Variants in ZNF438 observed in about 807,000 individuals in gnomAD.
The protein encoded by ZNF438 is zinc finger protein 438.
In ZNF438, 25 loss-of-function variants were observed where a neutral mutation model predicts 38.0. That is an observed-to-expected ratio of 0.66 (90% CI 0.48 to 0.92). The LOEUF (loss-of-function observed/expected upper bound fraction) is 0.92. Among genes scored for constraint, ZNF438 ranks in the 40% least tolerant of loss-of-function variants. The pLI, the probability that ZNF438 is intolerant of heterozygous loss-of-function variation, is 0.00. For missense variants in ZNF438, 1,007 were observed against 999.6 expected, an observed-to-expected ratio of 1.01 and a Z score of -0.10; for synonymous variants, 372 against 364.1, an observed-to-expected ratio of 1.02 and a Z score of -0.25.
At position 30,993,571 on chromosome 10, in the gene ZNF438, A is replaced by C. The variant is rs562521253; in HGVS notation, c.-192+38262T>G. On this transcript the variant is annotated intron_variant, in intron 1 of 5. Transcript: ENST00000413025. Reference sequence around the variant, plus strand: ...AGATTTCAAAGGATATACCAAAAAGACTGGTGCCCTGGCAGAGACTTGTCA... The same window carrying C: ...AGATTTCAAAGGATATACCAAAAAGCCTGGTGCCCTGGCAGAGACTTGTCA... 1.6e-3 allele frequency among the ~76,000 whole-genome samples: 237 copies of C among 152,368 alleles called. 1 individual carries two copies. Among genetic ancestry groups the C allele is most frequent in the African/African-American group, 5.5e-3 (230 of 41,596 alleles).
chr10:30,864,229 C>G (rs981852520), intron 4 of ZNF438, among the ~76,000 whole-genome samples: 15 of 152,166 alleles, frequency 9.9e-5, no homozygotes, highest in Non-Finnish European at 2.2e-4. Flanking sequence ...TACTATAACT[C>G]TAAATATACA....
At chr10:31,000,554 C>T (rs538120231) in intron 1 of ZNF438, among the ~76,000 whole-genome samples, 3 of 152,304 alleles carry the variant, frequency 2.0e-5, no homozygotes, top group African/African-American at 7.2e-5. Flanking sequence ...ATTAAGCCAT[C>T]ACTTCCTGTG....
At chr10:31,016,227 C>A (rs2056184780) in intron 1 of ZNF438, among the ~76,000 whole-genome samples, 2 of 151,150 alleles carry the variant, frequency 1.3e-5, no homozygotes, top group South Asian at 4.2e-4. Context: ...TAAAAAGAAA[C>A]ATAGCATAAT....
At chr10:30,902,143 T>C (rs2994618) in intron 3 of ZNF438, among the ~76,000 whole-genome samples, 118,715 of 152,068 alleles carry the variant, frequency 0.78, 47,111 homozygotes, top group African/African-American at 0.89. Context: ...AGGGTTGCCA[T>C]GGCTGGGACT....
chr10:30,933,600 A>C (rs953775417), intron 2 of ZNF438, among the ~76,000 whole-genome samples: 3 of 130,666 alleles, frequency 2.3e-5, no homozygotes, highest in Admixed American at 2.3e-4. Context: ...CTTGGGTGAC[A>C]GAGTGAGACC....
At chr10:30,978,195 C>T (rs187987063) in intron 1 of ZNF438, among the ~76,000 whole-genome samples, 1 of 152,108 alleles carries the variant, frequency 6.6e-6, no homozygotes, top group African/African-American at 2.4e-5. Flanking sequence ...GAAATGTACA[C>T]CAATTCATTC....
intron 2 of ZNF438, among the ~76,000 whole-genome samples, chr10:30,930,456 T>C (rs2045524211): frequency 6.6e-6 from 1 of 151,936 alleles, no homozygotes; most frequent in Non-Finnish European, 1.5e-5. Context: ...GGGAGCCGGC[T>C]CTGGCCTCAG....
chr10:30,905,864 AGT>A (rs1242044089), intron 3 of ZNF438, among the ~76,000 whole-genome samples: 1 of 152,250 alleles, frequency 6.6e-6, no homozygotes, highest in Non-Finnish European at 1.5e-5. Flanking sequence ...GTTGATTATC[AGT>A]GTACCATAGA....
intron 1 of ZNF438, among the ~76,000 whole-genome samples, chr10:31,013,368 G>A (rs949763461): frequency 6.6e-6 from 1 of 151,214 alleles, no homozygotes; most frequent in Non-Finnish European, 1.5e-5. Context: ...ACAAATACAT[G>A]GCCTCCCACC....
intron 4 of ZNF438, among the ~76,000 whole-genome samples, chr10:30,865,775 T>C (rs922366119): frequency 6.6e-6 from 1 of 152,186 alleles, no homozygotes; most frequent in Non-Finnish European, 1.5e-5. Flanking sequence ...GACGTCTGGC[T>C]TTGGTGTTTC....
chr10:30,856,290 A>T (rs546861397), intron 4 of ZNF438, among the ~76,000 whole-genome samples: 32 of 152,344 alleles, frequency 2.1e-4, no homozygotes, highest in African/African-American at 7.0e-4. Context: ...AGTTGTACAA[A>T]TTATTCCTCC....
chr10:30,914,280 G>A (rs957015443), intron 2 of ZNF438, among the ~76,000 whole-genome samples: 2 of 152,004 alleles, frequency 1.3e-5, no homozygotes, highest in African/African-American at 4.8e-5. Flanking sequence ...GCAACAGGGG[G>A]CAGATTAGTG....
chr10:30,903,281 C>T (rs937905062), intron 3 of ZNF438, among the ~76,000 whole-genome samples: 14 of 152,216 alleles, frequency 9.2e-5, no homozygotes, highest in South Asian at 2.1e-4. Context: ...TCCTCAAGCA[C>T]GGCCAGAATG....
At chr10:30,917,906 T>C (rs2043833643) in intron 2 of ZNF438, among the ~76,000 whole-genome samples, 1 of 152,182 alleles carries the variant, frequency 6.6e-6, no homozygotes, top group Non-Finnish European at 1.5e-5. Context: ...TATTCTCTGA[T>C]GTTTTCTTAA....
chr10:30,993,963 A>G (rs945271584), intron 1 of ZNF438, among the ~76,000 whole-genome samples: 2 of 152,242 alleles, frequency 1.3e-5, no homozygotes, highest in African/African-American at 4.8e-5. Flanking sequence ...TTCGTTTTAC[A>G]TGGGATCTGT....
At chr10:30,933,401 C>T (rs2045901568) in intron 2 of ZNF438, among the ~76,000 whole-genome samples, 1 of 152,206 alleles carries the variant, frequency 6.6e-6, no homozygotes, top group Non-Finnish European at 1.5e-5. Context: ...AATTATTTAA[C>T]AACAAATTAT....
intron 3 of ZNF438, among the ~76,000 whole-genome samples, chr10:30,888,344 A>AACACACAC (rs140506626): frequency 4.9e-4 from 72 of 147,390 alleles, no homozygotes; most frequent in South Asian, 1.3e-3. Flanking sequence ...TAATATTATA[A>AACACACAC]ACACACACAC....
intron 1 of ZNF438, among the ~76,000 whole-genome samples, chr10:30,987,056 C>A (rs555009455): frequency 6.6e-6 from 1 of 152,144 alleles, no homozygotes; most frequent in African/African-American, 2.4e-5. Flanking sequence ...CAATATATTA[C>A]CAATCAAAAT....
At chr10:30,845,711 C>A (rs2031861650) in intron 5 of ZNF438, 138 bp from the exon 7 acceptor site, 2 of 984,296 alleles carry the variant, frequency 2.0e-6, no homozygotes, top group Non-Finnish European at 1.5e-6. Flanking sequence ...CAGAGAGCAC[C>A]TGGGAAGACC....
Sources: allele counts gnomAD v4.1 joint callset (sites outside exome capture counted in the v4.1 genomes callset), GRCh38; gene constraint gnomAD v4.1.1; transcripts MANE v1.5; gene names NCBI Gene and HGNC (gene_info 2026-07-23, HGNC 2026-07-21).